SEC16B: variants seen among roughly 807,000 people sequenced by gnomAD.
SEC16B encodes the protein protein transport protein Sec16B.
Under a neutral mutation model 141.8 loss-of-function variants are expected in SEC16B, and 115 were observed. The observed-to-expected ratio is 0.81, with a 90% CI of 0.70 to 0.95. The LOEUF is 0.95. SEC16B is among the 40% of genes least tolerant of loss of function. The probability of loss-of-function intolerance (pLI) is 0.00; values close to 1 mark genes in which losing one functional copy is unlikely to be tolerated. For synonymous variants in SEC16B, 493 were observed against 492.5 expected, an observed-to-expected ratio of 1.00 and a Z score of -0.01; for missense variants, 1,291 against 1,312.3, an observed-to-expected ratio of 0.98 and a Z score of 0.25.
At chr1:177,964,362 C>T (rs1653336604) in intron 4 of SEC16B, 83 bp from the exon 5 acceptor site, 2 of 954,940 alleles carry the variant, frequency 2.1e-6, no homozygotes, top group Non-Finnish European at 3.2e-6. Flanking sequence ...AGCTGACCTG[C>T]TCCAAAGCGT....
chr1:177,965,775 G>A, intron 3 of SEC16B, 118 bp downstream of exon 3: 1 of 616,080 alleles, frequency 1.6e-6, no homozygotes, highest in Non-Finnish European at 2.9e-6. Flanking sequence ...GTCTCGTCTG[G>A]CCAAGAAAGG....
At chr1:177,960,029 A>G (rs1243172928) in intron 8 of SEC16B, 1 of 354,244 alleles carries the variant, frequency 2.8e-6, no homozygotes, top group Non-Finnish European at 5.2e-6. Context: ...GCGATGCTCC[A>G]CTTTTCTACT....
rs1651312577 is a variant in SEC16B at position 177,941,981 on chromosome 1, C to T, written c.1941G>A (p.Leu647=). 2 of 1,614,006 alleles carry T rather than the reference C, an allele frequency of 1.2e-6. No individual in the cohort carries two copies. The highest frequency in any genetic ancestry group is 1.7e-6 in the Non-Finnish European group (2 of 1,179,886). ...CTGCACCAATGGCTTCGCAGTAATG[C>T]AAAGCCTGGGACACGAGGCCATAAT... The part of the protein sequence containing the change: ...LADYGLVSQA[L]HYCEAIGAAV... The change falls in exon 16 of 26, where the codon TTG becomes TTA. Residue 647 remains leucine, a synonymous_variant. Coordinates refer to ENST00000308284, the MANE Select transcript of SEC16B (RefSeq NM_033127.4).
Position 177,954,110 on chromosome 1 carries a change from G to A in SEC16B, c.1463+169C>T, listed in dbSNP as rs146749428. ...TTTAGCAGGTAGAAAGAATGTATCT[G>A]TGTCTAAAACAGAGAAATGCTATGT... On this transcript the variant is annotated intron_variant, in intron 11 of 25. Coordinates refer to ENST00000308284, the MANE Select transcript of SEC16B (RefSeq NM_033127.4). Among the ~76,000 whole-genome samples, 760 of 152,314 alleles carry A rather than the reference G, an allele frequency of 5.0e-3. 5 individuals are homozygous for A. The highest frequency in any genetic ancestry group is 0.017 in the African/African-American group (712 of 41,562).
intron 12 of SEC16B, among the ~76,000 whole-genome samples, chr1:177,949,829 T>C (rs1423971038): frequency 6.6e-6 from 1 of 152,148 alleles, no homozygotes; most frequent in Non-Finnish European, 1.5e-5. Context: ...GTCCAGCCTT[T>C]TAGTAGATGC....
At chr1:177,983,704 G>A (rs1654516051) in intron 1 of SEC16B, among the ~76,000 whole-genome samples, 1 of 152,160 alleles carries the variant, frequency 6.6e-6, no homozygotes, top group African/African-American at 2.4e-5. Flanking sequence ...CACACCCCTA[G>A]CCATCTATAT....
chr1:177,940,266 T>C (rs1651176320), intron 17 of SEC16B, among the ~76,000 whole-genome samples: 1 of 152,220 alleles, frequency 6.6e-6, no homozygotes, highest in Non-Finnish European at 1.5e-5. Flanking sequence ...ACTGGTCCAC[T>C]GTGATCCATT....
intron 1 of SEC16B, among the ~76,000 whole-genome samples, chr1:177,968,310 T>C (rs566271460): frequency 7.9e-5 from 12 of 152,284 alleles, no homozygotes; most frequent in African/African-American, 2.9e-4. Flanking sequence ...ATAACAATAA[T>C]AGGTACAGCT....
chr1:177,961,256 T>C (rs1337508139), intron 6 of SEC16B: 3 of 432,626 alleles, frequency 6.9e-6, no homozygotes, highest in Non-Finnish European at 1.2e-5. Flanking sequence ...ACAAAGTTCC[T>C]ACATCCAGAC....
intron 10 of SEC16B, among the ~76,000 whole-genome samples, chr1:177,955,204 G>A (rs1348072456): frequency 6.6e-6 from 1 of 151,520 alleles, no homozygotes; most frequent in Non-Finnish European, 1.5e-5. Flanking sequence ...ATTTCAATAA[G>A]AGAAATGCAG....
At chr1:177,977,335 T>G (rs1391644851) in intron 1 of SEC16B, among the ~76,000 whole-genome samples, 1 of 152,202 alleles carries the variant, frequency 6.6e-6, no homozygotes, top group Non-Finnish European at 1.5e-5. Flanking sequence ...GGCGAAGCAG[T>G]GTCTAAGCCA....
chr1:177,963,569 C>T lies in SEC16B; in HGVS notation c.642+602G>A, dbSNP rs377257119. On this transcript the variant is annotated intron_variant, in intron 5 of 25. Coordinates refer to ENST00000308284, the MANE Select transcript of SEC16B (RefSeq NM_033127.4). ...AGTAAGCCGAGATTGCACCACTGCA[C>T]TTCAGCCTGGGCAACAGAGTGAGAC... is the stretch of plus-strand genomic sequence containing the variant. Among the ~76,000 whole-genome samples the T allele has an allele frequency of 4.6e-5, 7 of 152,310 alleles. No homozygotes were observed. In the South Asian group the frequency reaches 1.5e-3, roughly 32 times the overall value.
At chr1:177,958,598 A>C (rs749182634) in intron 9 of SEC16B, among the ~76,000 whole-genome samples, 1 of 152,324 alleles carries the variant, frequency 6.6e-6, no homozygotes, top group African/African-American at 2.4e-5. Context: ...TTTCACAGGT[A>C]TATTATCTGG....
intron 11 of SEC16B, among the ~76,000 whole-genome samples, chr1:177,952,412 A>C (rs1485974789): frequency 6.6e-6 from 1 of 151,892 alleles, no homozygotes. Flanking sequence ...GCCCTCCTCC[A>C]CGCCAAGCCC....
intron 1 of SEC16B, among the ~76,000 whole-genome samples, chr1:177,982,250 G>A (rs1224337762): frequency 2.0e-5 from 3 of 152,154 alleles, no homozygotes; most frequent in Non-Finnish European, 2.9e-5. Context: ...GTGGGTAGTC[G>A]GTTGGTGTAT....
chr1:177,949,849 G>C (rs1182399842), intron 12 of SEC16B, among the ~76,000 whole-genome samples: 2 of 151,980 alleles, frequency 1.3e-5, no homozygotes, highest in East Asian at 1.9e-4. Flanking sequence ...CTAAAGTGCT[G>C]GGAAACTCCC....
Position 177,966,290 on chromosome 1 carries a change from A to C in SEC16B, c.300-285T>G, listed in dbSNP as rs1346958166. Among the ~76,000 whole-genome samples, 3 of 152,140 alleles carry C rather than the reference A, an allele frequency of 2.0e-5. No individual in the cohort carries two copies. In the East Asian group the frequency reaches 5.8e-4, roughly 29 times the overall value. Reference sequence around the variant, plus strand: ...TTTAAAACTCTTTTATTTTGTAGTAAAACTCTCACTCCCCAAACACATACA... The same window carrying C: ...TTTAAAACTCTTTTATTTTGTAGTACAACTCTCACTCCCCAAACACATACA... On this transcript the variant is annotated intron_variant, in intron 2 of 25. Coordinates refer to ENST00000308284, the MANE Select transcript of SEC16B (RefSeq NM_033127.4).
At chr1:177,946,678 G>A in intron 13 of SEC16B, 147 bp from the exon 14 acceptor site, 1 of 624,694 alleles carries the variant, frequency 1.6e-6, no homozygotes, top group East Asian at 2.7e-5. Context: ...GCCTTTCATA[G>A]CGTGAGTCAC....
intron 10 of SEC16B, among the ~76,000 whole-genome samples, chr1:177,957,004 AT>A (rs1652658504): frequency 6.6e-6 from 1 of 152,188 alleles, no homozygotes; most frequent in African/African-American, 2.4e-5. Flanking sequence ...GGATGTAAAC[AT>A]TGTAAGTCAT....
Sources: allele counts gnomAD v4.1 joint callset (sites outside exome capture counted in the v4.1 genomes callset), GRCh38; gene constraint gnomAD v4.1.1; transcripts MANE v1.5; gene names NCBI Gene and HGNC (gene_info 2026-07-23, HGNC 2026-07-21).